VSTM2L: variants seen among roughly 807,000 people sequenced by gnomAD.
VSTM2L encodes V-set and transmembrane domain-containing protein 2-like protein.
Under a neutral mutation model 19.9 loss-of-function variants are expected in VSTM2L, and 9 were observed. The ratio of observed to expected loss-of-function variants is 0.45; its 90% CI spans 0.27 to 0.79. The LOEUF is 0.79. VSTM2L is among the 30% of genes least tolerant of loss of function. The pLI is 0.15. For synonymous variants in VSTM2L, 127 were observed against 133.8 expected (o/e 0.95, Z 0.35); for missense variants, 286 against 295.5 (o/e 0.97, Z 0.24).
intron 1 of VSTM2L, among the ~76,000 whole-genome samples, chr20:37,919,602 C>T (rs1281901732): frequency 6.6e-6 from 1 of 152,254 alleles, no homozygotes; most frequent in Non-Finnish European, 1.5e-5. Flanking sequence ...AGCTCTTACT[C>T]TGCTTCCCAG....
intron 1 of VSTM2L, among the ~76,000 whole-genome samples, chr20:37,914,719 G>C (rs561198770): frequency 6.6e-6 from 1 of 152,286 alleles, no homozygotes; most frequent in East Asian, 1.9e-4. Context: ...CAGGCATCGG[G>C]CTCCCATTCA....
chr20:37,914,654 C>G (rs1364441767), intron 1 of VSTM2L, among the ~76,000 whole-genome samples: 1 of 152,094 alleles, frequency 6.6e-6, no homozygotes, highest in Non-Finnish European at 1.5e-5. Context: ...TCCACGGACC[C>G]CTTAGAGAAG....
intron 2 of VSTM2L, among the ~76,000 whole-genome samples, chr20:37,933,001 A>C (rs1314607624): frequency 6.6e-6 from 1 of 152,210 alleles, no homozygotes; most frequent in Non-Finnish European, 1.5e-5. Context: ...GCCCTGCCAC[A>C]TGCAGGCTTA....
At chr20:37,909,663 T>C (rs900255480) in intron 1 of VSTM2L, among the ~76,000 whole-genome samples, 3 of 152,060 alleles carry the variant, frequency 2.0e-5, no homozygotes, top group African/African-American at 7.2e-5. Context: ...CATCCTGGAG[T>C]GGGCAAGGCT....
chr20:37,926,839 C>T (rs957950121), intron 1 of VSTM2L, among the ~76,000 whole-genome samples: 5 of 152,248 alleles, frequency 3.3e-5, no homozygotes, highest in Non-Finnish European at 4.4e-5. Flanking sequence ...TCACTCACCA[C>T]CTGCTAAGAT....
At chr20:37,914,526 C>T (rs565066422) in intron 1 of VSTM2L, among the ~76,000 whole-genome samples, 10 of 136,976 alleles carry the variant, frequency 7.3e-5, no homozygotes, top group Middle Eastern at 3.6e-3. Flanking sequence ...TGTGTGTACA[C>T]TGGCCTCCTT....
chr20:37,941,540 G>A (rs1425449377), intron 3 of VSTM2L, among the ~76,000 whole-genome samples: 1 of 152,224 alleles, frequency 6.6e-6, no homozygotes, highest in African/African-American at 2.4e-5. Flanking sequence ...CATGCAGAGG[G>A]CGCACTTTCT....
At chr20:37,924,208 C>T (rs1483215553) in intron 1 of VSTM2L, among the ~76,000 whole-genome samples, 1 of 152,180 alleles carries the variant, frequency 6.6e-6, no homozygotes, top group Non-Finnish European at 1.5e-5. Flanking sequence ...CTGCCATGTT[C>T]GTGCCACTGC....
At chr20:37,915,030 T>C (rs2072809442) in intron 1 of VSTM2L, among the ~76,000 whole-genome samples, 1 of 152,224 alleles carries the variant, frequency 6.6e-6, no homozygotes, top group Admixed American at 6.5e-5. Flanking sequence ...GCCTGCTCGC[T>C]GGGGAGCTGT....
At chr20:37,940,549 T>C (rs1360633855) in intron 3 of VSTM2L, among the ~76,000 whole-genome samples, 2 of 152,166 alleles carry the variant, frequency 1.3e-5, no homozygotes, top group Non-Finnish European at 2.9e-5. Context: ...ACTGGAAGGG[T>C]GAGAGCGCAT....
chr20:37,935,142 T>G (rs6096989), intron 3 of VSTM2L, among the ~76,000 whole-genome samples: 1 of 151,968 alleles, frequency 6.6e-6, no homozygotes, highest in African/African-American at 2.4e-5. Context: ...TCCAGGCTGC[T>G]GGGTCCCACA....
intron 1 of VSTM2L, among the ~76,000 whole-genome samples, chr20:37,917,501 A>G (rs2122950082): frequency 6.6e-6 from 1 of 152,354 alleles, no homozygotes; most frequent in African/African-American, 2.4e-5. Flanking sequence ...TGGGTGCTAC[A>G]CACTGAAACA....
chr20:37,944,093 C>G lies in VSTM2L; in HGVS notation c.455C>G (p.Ala152Gly), dbSNP rs1268382439. ...GTCATCGACTTCAGCGACGGCAAGG[C>G]CCGGCACCACAAGGTCAAGGCCTAC... ...CRVIDFSDGK[A>G]RHHKVKAYLR... Residue 152 changes from alanine to glycine, a missense_variant, in exon 4 of 4, where the codon GCC becomes GGC. Transcript: ENST00000373461. The G allele has an allele frequency of 6.2e-7, 1 of 1,612,884 alleles. No individual in the cohort carries two copies. The highest frequency in any genetic ancestry group is 1.3e-5 in the African/African-American group (1 of 74,886).
chr20:37,912,988 C>T (rs1217827964), intron 1 of VSTM2L, among the ~76,000 whole-genome samples: 1 of 152,170 alleles, frequency 6.6e-6, no homozygotes, highest in African/African-American at 2.4e-5. Context: ...CTCACCGCCC[C>T]CACCCATTCC....
intron 3 of VSTM2L, among the ~76,000 whole-genome samples, chr20:37,943,690 C>T (rs562999498): frequency 9.2e-5 from 14 of 152,074 alleles, no homozygotes; most frequent in Admixed American, 7.9e-4. Context: ...TTTCCCTCTG[C>T]TGTTTGCCAC....
chr20:37,937,633 G>A (rs532346447), intron 3 of VSTM2L, among the ~76,000 whole-genome samples: 3 of 152,264 alleles, frequency 2.0e-5, no homozygotes, highest in South Asian at 2.1e-4. Flanking sequence ...ACTGTAAATC[G>A]CTCGTGGTTG....
chr20:37,941,895 CTT>C (rs35678873), intron 3 of VSTM2L, among the ~76,000 whole-genome samples: 131 of 140,076 alleles, frequency 9.4e-4, no homozygotes, highest in African/African-American at 2.4e-3. Flanking sequence ...GGCCCAACTC[CTT>C]TTTTTTTTTT....
At chr20:37,911,969 C>T (rs1333293743) in intron 1 of VSTM2L, among the ~76,000 whole-genome samples, 1 of 152,124 alleles carries the variant, frequency 6.6e-6, no homozygotes, top group Non-Finnish European at 1.5e-5. Flanking sequence ...TCCATCAGCA[C>T]CTTAACTCTC....
At chr20:37,936,044 C>T (rs2072937971) in intron 3 of VSTM2L, among the ~76,000 whole-genome samples, 1 of 136,538 alleles carries the variant, frequency 7.3e-6, no homozygotes, top group African/African-American at 2.7e-5. Flanking sequence ...GCCACCATAC[C>T]TAGCTAATTT....
Sources: gnomAD v4.1 joint callset for allele counts (sites outside exome capture counted in the v4.1 genomes callset) on GRCh38, gnomAD v4.1.1 for gene constraint, MANE v1.5 for transcripts, NCBI Gene and HGNC (gene_info 2026-07-23, HGNC 2026-07-21) for gene names.